BRD10: variants seen among roughly 807,000 people sequenced by gnomAD.
BRD10 encodes the protein bromodomain containing 10, also known as uncharacterized bromodomain-containing protein 10.
the BRD10 span, among the ~76,000 whole-genome samples, chr9:5,950,987 A>G: frequency 3.3e-5 from 5 of 151,422 alleles, no homozygotes; most frequent in African/African-American, 9.7e-5. Context: ...TTTTCAATCC[A>G]AGGTTGAATG....
chr9:5,915,682 CCTT>C, the BRD10 span, among the ~76,000 whole-genome samples: 3 of 152,150 alleles, frequency 2.0e-5, no homozygotes, highest in Non-Finnish European at 4.4e-5. Context: ...TTACATGAAA[CCTT>C]CTCTGGAAAC....
the BRD10 span, among the ~76,000 whole-genome samples, chr9:5,953,535 T>A: frequency 6.6e-6 from 1 of 152,068 alleles, no homozygotes; most frequent in African/African-American, 2.4e-5. Flanking sequence ...AGCTAAGAGT[T>A]GAAAGATTTG....
At chr9:5,944,406 A>T in the BRD10 span, among the ~76,000 whole-genome samples, 1,139 of 152,262 alleles carry the variant, frequency 7.5e-3, 17 homozygotes, top group African/African-American at 0.026. Flanking sequence ...CTTTCAGCAG[A>T]TAAAGGTTCT....
At chr9:5,911,873 G>T in the BRD10 span, among the ~76,000 whole-genome samples, 2 of 151,798 alleles carry the variant, frequency 1.3e-5, no homozygotes, top group East Asian at 1.9e-4. Flanking sequence ...GGCTATTCTG[G>T]GACTTTGTGA....
chr9:5,976,585 G>A, the BRD10 span, among the ~76,000 whole-genome samples: 1 of 152,276 alleles, frequency 6.6e-6, no homozygotes, highest in South Asian at 2.1e-4. Context: ...ATCTCAGACT[G>A]TAAGTCTAGA....
chr9:5,887,851 GCTT>G, the BRD10 span, among the ~76,000 whole-genome samples: 3 of 152,160 alleles, frequency 2.0e-5, no homozygotes, highest in African/African-American at 7.2e-5. Flanking sequence ...ATGGCTGACT[GCTT>G]CTTACCATTT....
the BRD10 span, among the ~76,000 whole-genome samples, chr9:5,916,080 A>T: frequency 3.9e-5 from 6 of 152,204 alleles, no homozygotes; most frequent in Non-Finnish European, 7.3e-5. Flanking sequence ...CATGCTGTGG[A>T]TAGTAAATGC....
At chr9:5,925,987 G>A in the BRD10 span, among the ~76,000 whole-genome samples, 2 of 151,964 alleles carry the variant, frequency 1.3e-5, no homozygotes, top group East Asian at 1.9e-4. Flanking sequence ...GCACAATCTC[G>A]GCTCACTGCA....
At chr9:5,945,174 A>G in the BRD10 span, among the ~76,000 whole-genome samples, 1 of 152,118 alleles carries the variant, frequency 6.6e-6, no homozygotes, top group African/African-American at 2.4e-5. Flanking sequence ...TGAAATTTCA[A>G]CATTGGTGGT....
chr9:5,983,569 CAG>C, the BRD10 span, among the ~76,000 whole-genome samples: 1 of 152,012 alleles, frequency 6.6e-6, no homozygotes. Flanking sequence ...ATATAAAAAA[CAG>C]AACTAAATGT....
chr9:5,969,125 C>T, the BRD10 span: 2 of 1,613,866 alleles, frequency 1.2e-6, no homozygotes, highest in Non-Finnish European at 1.7e-6. Flanking sequence ...CGCTGCTTCC[C>T]AGGTCCTATA....
At chr9:5,942,936 G>C in the BRD10 span, among the ~76,000 whole-genome samples, 1 of 152,106 alleles carries the variant, frequency 6.6e-6, no homozygotes, top group Non-Finnish European at 1.5e-5. Context: ...GGAACGCAGT[G>C]GCATGATCAC....
At chr9:5,903,172 T>G in the BRD10 span, among the ~76,000 whole-genome samples, 284 of 152,340 alleles carry the variant, frequency 1.9e-3, 3 homozygotes, top group Admixed American at 8.3e-3. Context: ...TTAATTCTAT[T>G]ATAGTCTAAG....
the BRD10 span, chr9:6,007,963 C>T: frequency 7.7e-7 from 1 of 1,295,058 alleles, no homozygotes; most frequent in Admixed American, 4.1e-5. Context: ...GAGCTCACCG[C>T]CGGCGGGGCG....
chr9:5,921,456 G>A, the BRD10 span: 1 of 1,613,898 alleles, frequency 6.2e-7, no homozygotes, highest in Non-Finnish European at 8.5e-7. Flanking sequence ...GTACCACTAG[G>A]AACTGGGGCA....
chr9:5,897,557 G>C, the BRD10 span: 1 of 1,613,940 alleles, frequency 6.2e-7, no homozygotes, highest in Non-Finnish European at 8.5e-7. Context: ...CTTGGGCCAG[G>C]GCCGCTGGGA....
chr9:5,979,724 G>A, the BRD10 span, among the ~76,000 whole-genome samples: 1 of 151,806 alleles, frequency 6.6e-6, no homozygotes, highest in East Asian at 1.9e-4. Context: ...TATCTTTTAA[G>A]TATCTAAAAT....
At chr9:6,007,659 G>A in the BRD10 span, 2 of 1,606,110 alleles carry the variant, frequency 1.2e-6, no homozygotes, top group Admixed American at 3.4e-5. Flanking sequence ...CACTCCTTCC[G>A]TGGGCCGGCC....
chr9:6,002,791 C>T, the BRD10 span, among the ~76,000 whole-genome samples: 3 of 151,992 alleles, frequency 2.0e-5, no homozygotes, highest in South Asian at 6.2e-4. Flanking sequence ...ATTCTCATGC[C>T]TCAGCCTCCC....
Sources: gnomAD v4.1 joint callset for allele counts (sites outside exome capture counted in the v4.1 genomes callset) on GRCh38, gnomAD v4.1.1 for gene constraint, MANE v1.5 for transcripts, NCBI Gene and HGNC (gene_info 2026-07-23, HGNC 2026-07-21) for gene names.